ANKS1B: variants seen among roughly 807,000 people sequenced by gnomAD.
The protein encoded by ANKS1B is ankyrin repeat and sterile alpha motif domain containing 1B.
Under a neutral mutation model 148.3 loss-of-function variants are expected in ANKS1B, and 36 were observed. The ratio of observed to expected loss-of-function variants is 0.24; its 90% CI spans 0.19 to 0.32. The LOEUF is 0.32. ANKS1B is among the 10% of genes least tolerant of loss of function. The pLI is 1.00. For synonymous variants in ANKS1B, 542 were observed against 560.8 expected (o/e 0.97, Z 0.47); for missense variants, 1,157 against 1,542.6 (o/e 0.75, Z 4.19).
At chr12:99,249,559 T>C (rs576944528) in intron 12 of ANKS1B, among the ~76,000 whole-genome samples, 1 of 152,314 alleles carries the variant, frequency 6.6e-6, no homozygotes, top group African/African-American at 2.4e-5. Context: ...AAGACAAATA[T>C]TACTTGCTTT....
At chr12:98,838,756 A>C (rs189420273) in intron 17 of ANKS1B, among the ~76,000 whole-genome samples, 76 of 152,328 alleles carry the variant, frequency 5.0e-4, no homozygotes, top group African/African-American at 1.8e-3. Context: ...CTGGCTTCAG[A>C]GTAGCCTCTT....
intron 9 of ANKS1B, among the ~76,000 whole-genome samples, chr12:99,569,909 T>A (rs1344096218): frequency 1.3e-5 from 2 of 152,162 alleles, no homozygotes; most frequent in East Asian, 3.9e-4. Context: ...AGCCCTCCGA[T>A]ATCCTAGTCA....
intron 9 of ANKS1B, among the ~76,000 whole-genome samples, chr12:99,557,156 T>C (rs1008591856): frequency 1.1e-4 from 16 of 152,206 alleles, no homozygotes; most frequent in Non-Finnish European, 1.9e-4. Flanking sequence ...TTGGGGATGG[T>C]TGTCTTACAT....
intron 17 of ANKS1B, among the ~76,000 whole-genome samples, chr12:98,974,666 A>G (rs61932229): frequency 0.24 from 35,784 of 152,028 alleles, 4,705 homozygotes; most frequent in South Asian, 0.38. Flanking sequence ...GACACTTAAG[A>G]ATCCAAGAGG....
intron 9 of ANKS1B, among the ~76,000 whole-genome samples, chr12:99,553,416 A>AT (rs150777029): frequency 0.033 from 5,055 of 152,276 alleles, 222 homozygotes; most frequent in African/African-American, 0.099. Context: ...AATCATCATT[A>AT]TTAATACTGT....
At chr12:99,901,357 A>T (rs1216050124) in intron 1 of ANKS1B, among the ~76,000 whole-genome samples, 1 of 152,232 alleles carries the variant, frequency 6.6e-6, no homozygotes, top group African/African-American at 2.4e-5. Flanking sequence ...TTTAGCAATT[A>T]TCTCAACGCC....
chr12:99,067,698 T>C (rs2044822422), intron 16 of ANKS1B, among the ~76,000 whole-genome samples: 2 of 152,220 alleles, frequency 1.3e-5, no homozygotes, highest in African/African-American at 4.8e-5. Context: ...TTGTTGCTGT[T>C]ATCCTATTTT....
chr12:99,180,234 T>C (rs2078952847), intron 14 of ANKS1B, among the ~76,000 whole-genome samples: 1 of 152,212 alleles, frequency 6.6e-6, no homozygotes, highest in Non-Finnish European at 1.5e-5. Context: ...TTTATGCCTC[T>C]TACAAGGCAT....
intron 14 of ANKS1B, among the ~76,000 whole-genome samples, chr12:99,159,031 G>C (rs2076367228): frequency 6.6e-6 from 1 of 152,092 alleles, no homozygotes; most frequent in Non-Finnish European, 1.5e-5. Context: ...AAAATACTGG[G>C]ATCTTCACTG....
intron 15 of ANKS1B, among the ~76,000 whole-genome samples, chr12:99,105,503 C>A (rs774094125): frequency 6.6e-6 from 1 of 152,072 alleles, no homozygotes; most frequent in Non-Finnish European, 1.5e-5. Flanking sequence ...TGCTCTGGGG[C>A]ATTTATTAAA....
chr12:98,876,460 G>A (rs1460444721), intron 17 of ANKS1B, among the ~76,000 whole-genome samples: 1 of 152,140 alleles, frequency 6.6e-6, no homozygotes, highest in Admixed American at 6.5e-5. Flanking sequence ...TAATGTAATT[G>A]AACAGATTAC....
rs796549235 is a variant in ANKS1B, at chr12:99,121,318, G to GGGGTGTGTGTGTGTGTGTGTGTGTGTGT, written c.2526+32970_2526+32971insACACACACACACACACACACACACACCC. Among the ~76,000 whole-genome samples the GGGGTGTGTGTGTGTGTGTGTGTGTGTGT allele has an allele frequency of 1.4e-3, 153 of 105,958 alleles. 6 individuals are homozygous for GGGGTGTGTGTGTGTGTGTGTGTGTGTGT. Among genetic ancestry groups the GGGGTGTGTGTGTGTGTGTGTGTGTGTGT allele is most frequent in the Middle Eastern group, 0.014 (3 of 208 alleles). The allele number at this position is 105,958 out of a possible 152,430, so 69.5% of individuals were successfully genotyped here. A position where few individuals can be genotyped will look rare whatever the true frequency, so the allele number is the denominator to read the frequency against. ...ACTGTTTTAACAGTGTGTGTATGTA[G>GGGGTGTGTGTGTGTGTGTGTGTGTGTGT]GTATGTGTGTGTGTGTGTGTGTGTG... On this transcript the variant is annotated intron_variant, in intron 15 of 26. Coordinates refer to ENST00000683438, the MANE Select transcript of ANKS1B (RefSeq NM_001352186.2).
intron 8 of ANKS1B, among the ~76,000 whole-genome samples, chr12:99,717,582 ACTCC>A (rs2057493616): frequency 6.6e-6 from 1 of 151,766 alleles, no homozygotes; most frequent in Admixed American, 6.6e-5. Flanking sequence ...CCTGGCAGCC[ACTCC>A]CAGAGCCCCT....
rs187441120 is a variant in ANKS1B, at chr12:99,885,538, C to T, written c.135-60149G>A. The stretch of plus-strand genomic sequence containing the variant: ...CAGGATGGTCTCAATCTCCTGACCT[C>T]GTGATCCGCCCGCCTGGGCCTCCCA... On this transcript the variant is annotated intron_variant, in intron 1 of 26. Transcript: ENST00000683438. 6.9e-3 allele frequency among the ~76,000 whole-genome samples: 1,054 copies of T among 152,144 alleles called. 7 individuals are homozygous for T. The highest frequency in any genetic ancestry group is 0.024 in the African/African-American group (1,000 of 41,502).
At chr12:99,558,647 T>C (rs2153190885) in intron 9 of ANKS1B, among the ~76,000 whole-genome samples, 1 of 152,280 alleles carries the variant, frequency 6.6e-6, no homozygotes, top group South Asian at 2.1e-4. Context: ...AGCACCTTGG[T>C]TGGGCTTGCC....
At chr12:98,814,493 G>A (rs1030399410) in intron 19 of ANKS1B, among the ~76,000 whole-genome samples, 2 of 152,292 alleles carry the variant, frequency 1.3e-5, no homozygotes, top group Admixed American at 6.5e-5. Flanking sequence ...ACACACTTCC[G>A]GTTAATTGTA....
At chr12:99,782,635 G>A (rs1034108801) in intron 4 of ANKS1B, among the ~76,000 whole-genome samples, 4 of 152,144 alleles carry the variant, frequency 2.6e-5, no homozygotes, top group Non-Finnish European at 4.4e-5. Flanking sequence ...CTCTCCTTAA[G>A]TATAAAATAA....
At chr12:99,132,151 T>C (rs1392531678) in intron 15 of ANKS1B, among the ~76,000 whole-genome samples, 1 of 151,618 alleles carries the variant, frequency 6.6e-6, no homozygotes, top group Non-Finnish European at 1.5e-5. Flanking sequence ...CTGCAACTCG[T>C]GTTGGGGCTG....
At chr12:99,864,540 T>C (rs1245216934) in intron 1 of ANKS1B, among the ~76,000 whole-genome samples, 1 of 152,110 alleles carries the variant, frequency 6.6e-6, no homozygotes, top group African/African-American at 2.4e-5. Context: ...GGGACTGTGC[T>C]AGATAGTATG....
Sources: allele counts gnomAD v4.1 joint callset (sites outside exome capture counted in the v4.1 genomes callset), GRCh38; gene constraint gnomAD v4.1.1; transcripts MANE v1.5; gene names NCBI Gene and HGNC (gene_info 2026-07-23, HGNC 2026-07-21).